ST3GAL1: variants seen among roughly 807,000 people sequenced by gnomAD.
ST3GAL1 encodes the protein ST3 beta-galactoside alpha-2,3-sialyltransferase 1, also known as CMP-N-acetylneuraminate-beta-galactosamide-alpha-2,3-sialyltransferase 1.
Under a neutral mutation model 34.1 loss-of-function variants are expected in ST3GAL1, and 16 were observed. That is an observed-to-expected ratio of 0.47 (90% CI 0.32 to 0.71). ST3GAL1 has a LOEUF of 0.71. ST3GAL1 is among the 30% of genes least tolerant of loss of function. ST3GAL1 has a pLI of 0.04. For synonymous variants in ST3GAL1, 191 were observed against 184.7 expected, an observed-to-expected ratio of 1.03 and a Z score of -0.28; for missense variants, 353 against 447.4, an observed-to-expected ratio of 0.79 and a Z score of 1.90.
chr8:133,469,883 C>A lies in ST3GAL1; in HGVS notation c.307-3793G>T, dbSNP rs1029450698. ...ACGCTTCAGAAATCTCAGACCCATT[C>A]CAATCTTTCATTGGCAAAAGGGGAA... On this transcript the variant is annotated intron_variant, in intron 5 of 9. Transcript: ENST00000522652. The surrounding 1 kb of genome is among the most constrained non-coding windows in gnomAD (Gnocchi z 4.3). Among the ~76,000 whole-genome samples, 4 of 152,202 alleles carry A rather than the reference C, an allele frequency of 2.6e-5. No homozygotes were observed. Among genetic ancestry groups the A allele is most frequent in the Non-Finnish European group, 5.9e-5 (4 of 68,040 alleles).
chr8:133,473,701 A>T (rs2130939467), intron 5 of ST3GAL1, among the ~76,000 whole-genome samples: 1 of 152,342 alleles, frequency 6.6e-6, no homozygotes, highest in South Asian at 2.1e-4. Context: ...ACACACACGC[A>T]CACCCCACCT....
intron 1 of ST3GAL1, among the ~76,000 whole-genome samples, chr8:133,561,376 GAC>G (rs1215305643): frequency 6.6e-6 from 1 of 152,078 alleles, no homozygotes; most frequent in African/African-American, 2.4e-5. Context: ...GTTCCACTGA[GAC>G]ACACATACCT....
At chr8:133,464,503 G>A (rs1356476333) in intron 7 of ST3GAL1, among the ~76,000 whole-genome samples, 1 of 152,246 alleles carries the variant, frequency 6.6e-6, no homozygotes, top group Non-Finnish European at 1.5e-5. Flanking sequence ...CCTTTCTAGT[G>A]GCGGCCCCTT....
chr8:133,465,039 CT>C lies in ST3GAL1; in HGVS notation c.504-83del, dbSNP rs1226442759. 6.9e-6 allele frequency: 10 copies of C among 1,449,514 alleles called. No homozygotes were observed. In the East Asian group the frequency reaches 2.1e-4, roughly 31 times the overall value. 89.8% of individuals were successfully genotyped at this position (1,449,514 alleles called of 1,614,324 possible). ...GCCTGAGAGCTCCGAGAGAGTGAGC[CT>C]CCAGTGTGACTTCAGGGGTGTCACC... On this transcript the variant is annotated intron_variant, in intron 6 of 9. Transcript: ENST00000522652.
intron 2 of ST3GAL1, among the ~76,000 whole-genome samples, chr8:133,527,175 A>C (rs1818002519): frequency 6.6e-6 from 1 of 152,116 alleles, no homozygotes. Flanking sequence ...AGGGGAGGGG[A>C]GGCAGAGAGA....
intron 7 of ST3GAL1, among the ~76,000 whole-genome samples, 174 bp from the exon 8 acceptor site, chr8:133,463,633 C>T (rs1240398601): frequency 6.6e-6 from 1 of 152,174 alleles, no homozygotes; most frequent in Non-Finnish European, 1.5e-5. Flanking sequence ...CTGCCCACAG[C>T]AAGCCCCAAT....
At chr8:133,518,592 G>A (rs751451108) in intron 2 of ST3GAL1, among the ~76,000 whole-genome samples, 4 of 152,164 alleles carry the variant, frequency 2.6e-5, no homozygotes, top group Non-Finnish European at 4.4e-5. Flanking sequence ...GCCCAGCACT[G>A]CTGGAAGCTG....
At chr8:133,550,243 T>C (rs1464787090) in intron 1 of ST3GAL1, among the ~76,000 whole-genome samples, 3 of 152,196 alleles carry the variant, frequency 2.0e-5, no homozygotes, top group Non-Finnish European at 4.4e-5. Flanking sequence ...GTCATGCCTC[T>C]TTCTATATTG....
intron 1 of ST3GAL1, among the ~76,000 whole-genome samples, chr8:133,558,525 T>C (rs1819125126): frequency 6.6e-6 from 1 of 152,230 alleles, no homozygotes; most frequent in Non-Finnish European, 1.5e-5. Flanking sequence ...TTGCAAATGC[T>C]AAGATTTTAT....
intron 3 of ST3GAL1, among the ~76,000 whole-genome samples, chr8:133,481,150 CTGTT>C (rs759501421): frequency 9.2e-5 from 14 of 152,156 alleles, no homozygotes; most frequent in Non-Finnish European, 1.6e-4. Flanking sequence ...GGCCTGGTTG[CTGTT>C]TGTATTGTGT....
intron 3 of ST3GAL1, among the ~76,000 whole-genome samples, chr8:133,483,290 T>C (rs2403983): frequency 0.41 from 62,659 of 152,022 alleles, 13,496 homozygotes; most frequent in African/African-American, 0.48. Context: ...TGCAGTGAGC[T>C]GAGATTGCAC....
rs1044226050 is a variant in ST3GAL1, at chr8:133,455,385, G to A, written c.*4379C>T. 7 of 152,262 alleles carry A rather than the reference G, an allele frequency of 4.6e-5. No individual in the cohort carries two copies. Among genetic ancestry groups the A allele is most frequent in the Middle Eastern group, 3.1e-3 (1 of 318 alleles). 9.4% of individuals were successfully genotyped at this position (152,262 alleles called of 1,614,324 possible). Reference sequence around the variant, plus strand: ...GCTCTTTTGGTAAGAAAAAATAGTCGGTAATGCCCTGATCCTGACAAGCTG... The same window carrying A: ...GCTCTTTTGGTAAGAAAAAATAGTCAGTAATGCCCTGATCCTGACAAGCTG... On this transcript the variant is annotated 3_prime_UTR_variant, in exon 10 of 10. Transcript: ENST00000522652.
intron 2 of ST3GAL1, among the ~76,000 whole-genome samples, chr8:133,539,373 A>G (rs1818400065): frequency 6.6e-6 from 1 of 152,192 alleles, no homozygotes; most frequent in Non-Finnish European, 1.5e-5. Flanking sequence ...TCTCGCTGAC[A>G]CTGCAGCTCA....
At chr8:133,487,629 G>A (rs911988151) in intron 3 of ST3GAL1, among the ~76,000 whole-genome samples, 12 of 152,140 alleles carry the variant, frequency 7.9e-5, no homozygotes, top group Non-Finnish European at 4.4e-5. Flanking sequence ...ACTGGGCTCC[G>A]GCCATCTAGC....
intron 2 of ST3GAL1, among the ~76,000 whole-genome samples, chr8:133,514,389 C>T (rs901453858): frequency 1.3e-5 from 2 of 152,136 alleles, no homozygotes; most frequent in African/African-American, 2.4e-5. Context: ...ATTTGCTCCC[C>T]GTCATATCTC....
At chr8:133,496,125 CAGG>C (rs1816939490) in intron 3 of ST3GAL1, among the ~76,000 whole-genome samples, 1 of 152,164 alleles carries the variant, frequency 6.6e-6, no homozygotes, top group African/African-American at 2.4e-5. Flanking sequence ...TCACACAGCG[CAGG>C]AGTTTTTTGA....
intron 5 of ST3GAL1, among the ~76,000 whole-genome samples, chr8:133,470,545 G>A (rs1260751940): frequency 6.6e-6 from 1 of 152,160 alleles, no homozygotes; most frequent in Non-Finnish European, 1.5e-5. Context: ...CGCTCAATCT[G>A]CATACAATCA....
At chr8:133,464,175 C>T (rs890963754) in intron 7 of ST3GAL1, among the ~76,000 whole-genome samples, 4 of 152,196 alleles carry the variant, frequency 2.6e-5, no homozygotes, top group Admixed American at 2.6e-4. Context: ...AGGCAAGGTG[C>T]TTGGCCGAGC....
intron 2 of ST3GAL1, among the ~76,000 whole-genome samples, chr8:133,541,525 C>T (rs1291768250): frequency 6.6e-6 from 1 of 152,180 alleles, no homozygotes; most frequent in African/African-American, 2.4e-5. Context: ...CGTCTACACA[C>T]ACCTCCTAAC....
Sources: gnomAD v4.1 joint callset for allele counts (sites outside exome capture counted in the v4.1 genomes callset) on GRCh38, gnomAD v4.1.1 for gene constraint, Gnocchi (gnomAD v3.1) non-coding constraint, MANE v1.5 for transcripts, NCBI Gene and HGNC (gene_info 2026-07-23, HGNC 2026-07-21) for gene names.